Variants in SOX5 observed in about 807,000 individuals in gnomAD.
SOX5 encodes the protein transcription factor SOX-5.
SOX5 carries 9 observed loss-of-function variants against 92.0 expected under a neutral mutation model. The observed-to-expected ratio is 0.10, with a 90% CI of 0.06 to 0.17. The LOEUF (loss-of-function observed/expected upper bound fraction) is 0.17. SOX5 is among the 10% of genes least tolerant of loss of function. The pLI, the probability that SOX5 is intolerant of heterozygous loss-of-function variation, is 1.00. For synonymous variants in SOX5, 344 were observed against 336.3 expected, an observed-to-expected ratio of 1.02 and a Z score of -0.25; for missense variants, 642 against 944.5, an observed-to-expected ratio of 0.68 and a Z score of 4.20.
Position 23,722,591 on chromosome 12 carries a change from C to T in SOX5, c.810+12093G>A, listed in dbSNP as rs144928646. On this transcript the variant is annotated intron_variant, in intron 6 of 14. Transcript: ENST00000451604. ...ACAAATTGTGACCTTAACAACAATG[C>T]TCTTTCTTTCACCCTTTGAAGCTGT... is the stretch of plus-strand genomic sequence containing the variant. 2.7e-3 allele frequency among the ~76,000 whole-genome samples: 418 copies of T among 152,250 alleles called. 3 individuals carry two copies. The highest frequency in any genetic ancestry group is 4.1e-3 in the Non-Finnish European group (278 of 68,012).
Position 24,464,412 on chromosome 12 carries a change from T to A in SOX5, c.-250-95773A>T, listed in dbSNP as rs1215072462. ...ATCTCGGCTCACTGCAAGCTCCGCC[T>A]CCAGGGTTCACGCCGCCTCCCGGGT... On this transcript the variant is annotated intron_variant, in intron 1 of 4. Coordinates refer to the SOX5 transcript ENST00000446891. Among the ~76,000 whole-genome samples, 3 of 151,220 alleles carry A rather than the reference T, an allele frequency of 2.0e-5. No homozygotes were observed. The East Asian group carries it at 5.9e-4, about 30-fold the overall frequency.
rs80270701 is a variant in SOX5, at chr12:24,405,314, G to C, written c.-250-36675C>G. 3.3e-5 allele frequency among the ~76,000 whole-genome samples: 5 copies of C among 152,260 alleles called. No individual in the cohort carries two copies. In the East Asian group the frequency reaches 9.6e-4, roughly 29 times the overall value. The stretch of plus-strand genomic sequence containing the variant: ...ATCATGGGGGGGTATACTATTTGAA[G>C]TATTTTATCTCATTTCCTTGAATCT... On this transcript the variant is annotated intron_variant, in intron 1 of 4. Coordinates refer to the SOX5 transcript ENST00000446891.
intron 4 of SOX5, among the ~76,000 whole-genome samples, chr12:24,073,578 G>A (rs1844639656): frequency 6.6e-6 from 1 of 152,110 alleles, no homozygotes; most frequent in South Asian, 2.1e-4. Context: ...AAACGTATTT[G>A]TAGCTTTCTT....
chr12:23,882,725 A>G (rs1263877436), intron 2 of SOX5, among the ~76,000 whole-genome samples: 5 of 152,210 alleles, frequency 3.3e-5, no homozygotes, highest in African/African-American at 9.6e-5. Flanking sequence ...TTTAATGATT[A>G]TATCAGCTGC....
intron 2 of SOX5, among the ~76,000 whole-genome samples, chr12:23,879,961 G>A (rs2096969393): frequency 6.6e-6 from 1 of 152,152 alleles, no homozygotes; most frequent in African/African-American, 2.4e-5. Flanking sequence ...TCCAAGGCAA[G>A]CTAGGTGAAG....
intron 2 of SOX5, among the ~76,000 whole-genome samples, chr12:23,857,151 A>G (rs187579681): frequency 6.6e-6 from 1 of 152,308 alleles, no homozygotes; most frequent in East Asian, 1.9e-4. Flanking sequence ...CTTAACCAAA[A>G]GAAATGAAGA....
chr12:24,473,399 G>A (rs908754287), intron 1 of SOX5, among the ~76,000 whole-genome samples: 4 of 152,324 alleles, frequency 2.6e-5, no homozygotes, highest in African/African-American at 9.6e-5. Context: ...GGGAGCGGGT[G>A]CAAGCCCACA....
intron 10 of SOX5, among the ~76,000 whole-genome samples, chr12:23,570,547 G>A (rs1328273672): frequency 6.6e-6 from 1 of 151,928 alleles, no homozygotes; most frequent in African/African-American, 2.4e-5. Context: ...GGGGGCTGAC[G>A]TGGGCGAATC....
chr12:23,542,297 T>G (rs543247922), intron 13 of SOX5, among the ~76,000 whole-genome samples: 1 of 152,386 alleles, frequency 6.6e-6, no homozygotes, highest in Admixed American at 6.5e-5. Flanking sequence ...GTTTCTATTC[T>G]ATTTTTGTCA....
intron 1 of SOX5, among the ~76,000 whole-genome samples, chr12:24,541,749 G>C (rs1295119318): frequency 6.6e-6 from 1 of 152,066 alleles, no homozygotes. Context: ...AGAACATAAC[G>C]TGCTGAAACA....
chr12:24,442,808 G>C (rs1264569757), intron 1 of SOX5, among the ~76,000 whole-genome samples: 3 of 152,052 alleles, frequency 2.0e-5, no homozygotes, highest in Non-Finnish European at 4.4e-5. Context: ...GATCACTCTG[G>C]GCATCATAAT....
At chr12:24,325,911 T>C (rs995948426) in intron 2 of SOX5, among the ~76,000 whole-genome samples, 11 of 152,022 alleles carry the variant, frequency 7.2e-5, no homozygotes, top group African/African-American at 1.4e-4. Context: ...CGCGCGCGCG[T>C]GTGTGTGTAT....
chr12:24,370,200 C>T (rs999073522), intron 1 of SOX5, among the ~76,000 whole-genome samples: 1 of 152,086 alleles, frequency 6.6e-6, no homozygotes, highest in Non-Finnish European at 1.5e-5. Flanking sequence ...TTTGGCCGTG[C>T]GCGGTGGCTC....
At chr12:24,140,800 C>T (rs1950516656) in intron 4 of SOX5, among the ~76,000 whole-genome samples, 1 of 152,018 alleles carries the variant, frequency 6.6e-6, no homozygotes, top group Admixed American at 6.6e-5. Flanking sequence ...CCAAAGCATC[C>T]ATAGATATAA....
chr12:23,631,083 A>G (rs1376358163), intron 8 of SOX5, among the ~76,000 whole-genome samples: 2 of 151,994 alleles, frequency 1.3e-5, no homozygotes, highest in African/African-American at 4.8e-5. Flanking sequence ...TGACTAAACC[A>G]TACGAATAAT....
At chr12:24,247,550 T>G (rs1042016453) in intron 3 of SOX5, among the ~76,000 whole-genome samples, 3 of 151,326 alleles carry the variant, frequency 2.0e-5, no homozygotes, top group Non-Finnish European at 2.9e-5. Flanking sequence ...GTGGTAAGGC[T>G]GGGGGAGTTG....
intron 4 of SOX5, among the ~76,000 whole-genome samples, chr12:23,754,314 T>TA (rs1036547922): frequency 6.6e-6 from 1 of 151,844 alleles, no homozygotes; most frequent in African/African-American, 2.4e-5. Context: ...CAGAGGAGAA[T>TA]AAAAAACCTT....
intron 4 of SOX5, among the ~76,000 whole-genome samples, chr12:24,123,265 T>TA (rs1238564304): frequency 6.6e-6 from 1 of 152,006 alleles, no homozygotes; most frequent in African/African-American, 2.4e-5. Flanking sequence ...ATGCTAATAA[T>TA]AAAAAAAGGA....
intron 4 of SOX5, among the ~76,000 whole-genome samples, chr12:24,177,442 T>G (rs2139223893): frequency 6.6e-6 from 1 of 152,262 alleles, no homozygotes; most frequent in East Asian, 1.9e-4. Context: ...CTTTATGGGG[T>G]ATTGTCTAAA....
Sources: allele counts gnomAD v4.1 joint callset (sites outside exome capture counted in the v4.1 genomes callset), GRCh38; gene constraint gnomAD v4.1.1; transcripts MANE v1.5; gene names NCBI Gene and HGNC (gene_info 2026-07-23, HGNC 2026-07-21).